ARHGEF28: variants seen among roughly 807,000 people sequenced by gnomAD.
The protein encoded by ARHGEF28 is 190 kDa guanine nucleotide exchange factor.
In ARHGEF28, 152 loss-of-function variants were observed where a neutral mutation model predicts 206.6. The ratio of observed to expected loss-of-function variants is 0.74; its 90% CI spans 0.64 to 0.84. ARHGEF28 has a LOEUF of 0.84. Ranked by LOEUF, ARHGEF28 falls within the 40% of genes least tolerant of loss-of-function variation. ARHGEF28 has a pLI of 0.00. For synonymous variants in ARHGEF28, 763 were observed against 776.4 expected, an observed-to-expected ratio of 0.98 and a Z score of 0.29; for missense variants, 2,028 against 2,073.2, an observed-to-expected ratio of 0.98 and a Z score of 0.42.
At chr5:73,780,118 C>T (rs1020957998) in intron 6 of ARHGEF28, among the ~76,000 whole-genome samples, 2 of 152,128 alleles carry the variant, frequency 1.3e-5, no homozygotes, top group Admixed American at 6.5e-5. Flanking sequence ...AAAGGAAATT[C>T]GGATGGTCCC....
Position 73,909,721 on chromosome 5 carries a change from G to T in ARHGEF28, c.4471G>T (p.Gly1491Cys). The T allele has an allele frequency of 6.6e-7, 1 of 1,520,924 alleles. No homozygotes were observed. Among genetic ancestry groups the T allele is most frequent in the Non-Finnish European group, 8.8e-7 (1 of 1,133,390 alleles). 94.2% of individuals were successfully genotyped at this position (1,520,924 alleles called of 1,614,324 possible). A position where few individuals can be genotyped will look rare whatever the true frequency, so the allele number is the denominator to read the frequency against. The change falls in exon 34 of 36, where the codon GGC (glycine) becomes TGC (cysteine). Residue 1491 changes from glycine to cysteine, a missense_variant. This residue lies in a region of ARHGEF28 where 803 missense variants were observed against 768.0 expected (regional missense o/e 1.05). Transcript: ENST00000513042. The part of the protein sequence containing the change: ...SQEELLLRSR[G>C]ELDLQLQEYQ... ...GGAGGAGCTGCTGCTGCGGAGCCGG[G>T]GCGAGCTGGACCTCCAGCTCCAGGA...
At chr5:73,688,703 C>T (rs755486145) in intron 2 of ARHGEF28, among the ~76,000 whole-genome samples, 1 of 152,128 alleles carries the variant, frequency 6.6e-6, no homozygotes, top group Admixed American at 6.5e-5. Flanking sequence ...TGTCTCCAGG[C>T]TGGAGCACAG....
chr5:73,642,226 C>T (rs1206188626), intron 1 of ARHGEF28, among the ~76,000 whole-genome samples: 1 of 152,194 alleles, frequency 6.6e-6, no homozygotes, highest in Non-Finnish European at 1.5e-5. Context: ...AAACTAAATG[C>T]CTTAATTGTT....
At chr5:73,808,745 T>G (rs916857996) in intron 9 of ARHGEF28, among the ~76,000 whole-genome samples, 9 of 152,176 alleles carry the variant, frequency 5.9e-5, no homozygotes, top group African/African-American at 2.2e-4. Flanking sequence ...AGGAACAATG[T>G]CTAGTAGTAT....
At chr5:73,741,385 GTATATATATA>G (rs67973637) in intron 2 of ARHGEF28, among the ~76,000 whole-genome samples, 275 of 21,428 alleles carry the variant, frequency 0.013, 1 homozygote, top group Admixed American at 0.014. Context: ...GTGTGTGTGT[GTATATATATA>G]TATATATATA....
chr5:73,784,670 G>C (rs1158280666), intron 7 of ARHGEF28, among the ~76,000 whole-genome samples: 3 of 152,118 alleles, frequency 2.0e-5, no homozygotes, highest in Non-Finnish European at 4.4e-5. Flanking sequence ...TGGGGGATAA[G>C]TTCCAAGATC....
At position 73,891,953 on chromosome 5, in the gene ARHGEF28, AG is replaced by A. The variant is rs1761669229; in HGVS notation, c.3388-97del. ...TTTTGAAAAGATTGGAAGTGGAGAAAGGTTTACCTAGTACTCTTGCTTCCTT... is the reference window on the plus strand; with the variant it reads ...TTTTGAAAAGATTGGAAGTGGAGAAAGTTTACCTAGTACTCTTGCTTCCTT... On this transcript the variant is annotated intron_variant, in intron 26 of 35. Transcript: ENST00000513042. 5 of 1,059,262 alleles carry A rather than the reference AG, an allele frequency of 4.7e-6. No homozygotes were observed. The Admixed American group carries it at 1.4e-4, about 30-fold the overall frequency. The allele number at this position is 1,059,262 out of a possible 1,614,324, so 65.6% of individuals were successfully genotyped here. A position where few individuals can be genotyped will look rare whatever the true frequency, so the allele number is the denominator to read the frequency against.
At chr5:73,883,194 A>G (rs1761062742) in intron 23 of ARHGEF28, among the ~76,000 whole-genome samples, 1 of 152,064 alleles carries the variant, frequency 6.6e-6, no homozygotes, top group South Asian at 2.1e-4. Flanking sequence ...TTATTTGTTG[A>G]AGAAATTTGT....
At chr5:73,842,750 A>C (rs949614022) in intron 11 of ARHGEF28, among the ~76,000 whole-genome samples, 3 of 152,168 alleles carry the variant, frequency 2.0e-5, no homozygotes, top group Non-Finnish European at 4.4e-5. Flanking sequence ...AGGCCGAGGC[A>C]GGTGGATCAC....
At chr5:73,923,998 T>C (rs1018519713) in intron 35 of ARHGEF28, among the ~76,000 whole-genome samples, 3 of 152,162 alleles carry the variant, frequency 2.0e-5, no homozygotes, top group Non-Finnish European at 4.4e-5. Flanking sequence ...CTTAGCAATA[T>C]CATTTTTGAC....
At position 73,846,325 on chromosome 5, in the gene ARHGEF28, C is replaced by T; in HGVS notation, c.1485C>T (p.Ser495=). Residue 495 remains serine (S), a synonymous_variant, in exon 12 of 36, where the codon TCC becomes TCT. Transcript: ENST00000513042. ...DSEGEGHSEP[S]HICYTPGSQS... Reference sequence around the variant, plus strand: ...AAGGGGAAGGGCATTCTGAGCCATCCCACATCTGTTACACTCCAGGGTCTC... The same window carrying T: ...AAGGGGAAGGGCATTCTGAGCCATCTCACATCTGTTACACTCCAGGGTCTC... The T allele has an allele frequency of 6.2e-7, 1 of 1,613,802 alleles. No homozygotes were observed. The highest frequency in any genetic ancestry group is 8.5e-7 in the Non-Finnish European group (1 of 1,179,782).
intron 5 of ARHGEF28, among the ~76,000 whole-genome samples, chr5:73,774,940 C>G (rs1344577122): frequency 6.6e-6 from 1 of 152,142 alleles, no homozygotes; most frequent in Non-Finnish European, 1.5e-5. Context: ...TTGTTTGGCT[C>G]ATGGAACTCA....
At chr5:73,875,963 A>G (rs1760450707) in intron 22 of ARHGEF28, among the ~76,000 whole-genome samples, 1 of 151,780 alleles carries the variant, frequency 6.6e-6, no homozygotes, top group Admixed American at 6.6e-5. Context: ...GAAGAAAGTC[A>G]TTGCTAGCTT....
chr5:73,924,736 A>C lies in ARHGEF28; in HGVS notation c.4948+13161A>C, dbSNP rs182030919. Reference sequence around the variant, plus strand: ...TTCCCATAATCAAATAATATTGAGAAATGCTGATTTTTGGGAAGGCACAAC... The same window carrying C: ...TTCCCATAATCAAATAATATTGAGACATGCTGATTTTTGGGAAGGCACAAC... On this transcript the variant is annotated intron_variant, in intron 35 of 35. Coordinates refer to ENST00000513042, the MANE Select transcript of ARHGEF28 (RefSeq NM_001177693.2). 2.9e-3 allele frequency among the ~76,000 whole-genome samples: 439 copies of C among 152,296 alleles called. 4 individuals carry two copies. The highest frequency in any genetic ancestry group is 0.01 in the African/African-American group (417 of 41,560).
chr5:73,720,611 G>A (rs181251507), intron 2 of ARHGEF28, among the ~76,000 whole-genome samples: 53 of 152,302 alleles, frequency 3.5e-4, no homozygotes, highest in African/African-American at 1.2e-3. Flanking sequence ...CAAGTTGGAA[G>A]GAGGCTCACA....
chr5:73,649,946 AC>A (rs1398533631), intron 1 of ARHGEF28, among the ~76,000 whole-genome samples: 1 of 152,172 alleles, frequency 6.6e-6, no homozygotes, highest in Non-Finnish European at 1.5e-5. Flanking sequence ...CACTGTGGCA[AC>A]CTGTGCCCAA....
At chr5:73,688,425 C>G (rs1276474590) in intron 2 of ARHGEF28, among the ~76,000 whole-genome samples, 1 of 152,140 alleles carries the variant, frequency 6.6e-6, no homozygotes, top group African/African-American at 2.4e-5. Flanking sequence ...TGTCGGGTCA[C>G]TTTAGAGAAT....
intron 22 of ARHGEF28, among the ~76,000 whole-genome samples, chr5:73,879,914 A>G (rs949127393): frequency 6.6e-6 from 1 of 152,218 alleles, no homozygotes; most frequent in African/African-American, 2.4e-5. Flanking sequence ...GCCCGTTCTC[A>G]GATCTCCAGC....
intron 34 of ARHGEF28, 94 bp downstream of exon 34, chr5:73,909,991 G>T: frequency 2.8e-6 from 4 of 1,407,466 alleles, no homozygotes; most frequent in Non-Finnish European, 3.7e-6. Flanking sequence ...TGTCATTTTG[G>T]ATTTGTGTAA....
Sources: allele counts gnomAD v4.1 joint callset (sites outside exome capture counted in the v4.1 genomes callset), GRCh38; gene constraint gnomAD v4.1.1; regional missense constraint gnomAD v4.1.1; transcripts MANE v1.5; gene names NCBI Gene and HGNC (gene_info 2026-07-23, HGNC 2026-07-21).